Variants in FUT9 observed in about 807,000 individuals in gnomAD.
FUT9 encodes fucosyltransferase 9.
FUT9 carries 15 observed loss-of-function variants against 29.7 expected under a neutral mutation model. The observed-to-expected ratio is 0.51, with a 90% CI of 0.34 to 0.78. The LOEUF (loss-of-function observed/expected upper bound fraction) is 0.78. Ranked by LOEUF, FUT9 falls within the 30% of genes least tolerant of loss-of-function variation. FUT9 has a pLI of 0.01. For synonymous variants in FUT9, 169 were observed against 153.7 expected, an observed-to-expected ratio of 1.10 and a Z score of -0.74; for missense variants, 319 against 425.4, an observed-to-expected ratio of 0.75 and a Z score of 2.20.
chr6:96,018,563 G>T (rs1221323566), intron 1 of FUT9, among the ~76,000 whole-genome samples: 1 of 152,012 alleles, frequency 6.6e-6, no homozygotes, highest in African/African-American at 2.4e-5. Context: ...ACCAATATTG[G>T]AATGGCATAT....
chr6:96,182,072 C>T (rs553274744), intron 2 of FUT9, among the ~76,000 whole-genome samples: 2 of 152,176 alleles, frequency 1.3e-5, no homozygotes, highest in East Asian at 3.9e-4. Context: ...CTGTTCACCA[C>T]ATCCACACCA....
At chr6:96,156,461 G>T (rs573876447) in intron 2 of FUT9, among the ~76,000 whole-genome samples, 154 of 152,174 alleles carry the variant, frequency 1.0e-3, no homozygotes, top group African/African-American at 3.6e-3. Context: ...GCAAAAAGGG[G>T]CATCCTGAAA....
chr6:96,061,266 T>C (rs929078191), intron 1 of FUT9, among the ~76,000 whole-genome samples: 8 of 57,856 alleles, frequency 1.4e-4, no homozygotes, highest in African/African-American at 4.0e-4. Flanking sequence ...AGAATGATTT[T>C]ATCACCCATT....
intron 2 of FUT9, among the ~76,000 whole-genome samples, chr6:96,158,913 A>C (rs1772842716): frequency 6.6e-6 from 1 of 152,050 alleles, no homozygotes; most frequent in African/African-American, 2.4e-5. Flanking sequence ...ATTGATGTTG[A>C]TCAATGTAAA....
At chr6:96,028,277 G>A (rs1279923541) in intron 1 of FUT9, among the ~76,000 whole-genome samples, 1 of 151,560 alleles carries the variant, frequency 6.6e-6, no homozygotes, top group Non-Finnish European at 1.5e-5. Context: ...ACACAGAGCT[G>A]TAACCAGATA....
intron 1 of FUT9, among the ~76,000 whole-genome samples, chr6:96,094,862 A>C (rs931458513): frequency 6.6e-6 from 1 of 151,962 alleles, no homozygotes; most frequent in African/African-American, 2.4e-5. Flanking sequence ...TGTTATTTCA[A>C]TAGGTTTTTG....
intron 2 of FUT9, among the ~76,000 whole-genome samples, chr6:96,138,897 A>C (rs904017217): frequency 2.6e-5 from 4 of 152,318 alleles, no homozygotes; most frequent in Admixed American, 1.3e-4. Flanking sequence ...TCAAACAAAA[A>C]GTGTTTGACA....
In FUT9 at chr6:96,209,957, A is replaced by T. The variant is rs1773905237; in HGVS notation, c.*5722A>T. 1.2e-5 allele frequency: 2 copies of T among 166,898 alleles called. No individual in the cohort carries two copies. 10.3% of individuals were successfully genotyped at this position (166,898 alleles called of 1,614,324 possible). Reference sequence around the variant, plus strand: ...ATCCTGTTTCTGCTATAACTGGTGAACCATCCTGTCCTAAACTAGCAGTTC... The same window carrying T: ...ATCCTGTTTCTGCTATAACTGGTGATCCATCCTGTCCTAAACTAGCAGTTC... On this transcript the variant is annotated 3_prime_UTR_variant, in exon 3 of 3. Transcript: ENST00000302103.
intron 2 of FUT9, among the ~76,000 whole-genome samples, chr6:96,135,814 C>A (rs1772338219): frequency 6.6e-6 from 1 of 151,596 alleles, no homozygotes; most frequent in African/African-American, 2.4e-5. Context: ...CATGTTCTTA[C>A]CACAATTTTT....
At chr6:96,122,129 T>A (rs1450579480) in intron 2 of FUT9, among the ~76,000 whole-genome samples, 1 of 152,140 alleles carries the variant, frequency 6.6e-6, no homozygotes, top group Non-Finnish European at 1.5e-5. Flanking sequence ...TCTGCTAACA[T>A]TGCATGAGCC....
rs1183506097 is a variant in FUT9, at chr6:96,210,703, T to C, written c.*6468T>C. 1.2e-5 allele frequency: 2 copies of C among 166,968 alleles called. No homozygotes were observed. The highest frequency in any genetic ancestry group is 2.9e-5 in the Non-Finnish European group (2 of 68,032). 10.3% of individuals were successfully genotyped at this position (166,968 alleles called of 1,614,324 possible). On this transcript the variant is annotated 3_prime_UTR_variant, in exon 3 of 3. Coordinates refer to ENST00000302103, the MANE Select transcript of FUT9 (RefSeq NM_006581.4). ...ATTACTAGGATATATGCTTCTGTGA[T>C]CTGCTTTTCTATTGTATGTGTTTAA...
chr6:96,056,254 C>A (rs1428936737), intron 1 of FUT9, among the ~76,000 whole-genome samples: 1 of 152,042 alleles, frequency 6.6e-6, no homozygotes, highest in Non-Finnish European at 1.5e-5. Flanking sequence ...TTTCAAATAC[C>A]CACATATCCT....
chr6:96,152,973 A>G (rs4240598), intron 2 of FUT9, among the ~76,000 whole-genome samples: 138,703 of 152,132 alleles, frequency 0.91, 64,603 homozygotes, highest in Non-Finnish European at 1. Flanking sequence ...GGAACCTTCC[A>G]GGAAAACTAC....
intron 1 of FUT9, among the ~76,000 whole-genome samples, chr6:96,055,887 A>G (rs1245058624): frequency 1.3e-5 from 2 of 151,764 alleles, no homozygotes; most frequent in African/African-American, 4.8e-5. Flanking sequence ...TCTATTACAT[A>G]AAGTTTAGTG....
intron 1 of FUT9, among the ~76,000 whole-genome samples, chr6:96,078,086 G>T (rs1332852723): frequency 6.6e-6 from 1 of 151,972 alleles, no homozygotes; most frequent in Non-Finnish European, 1.5e-5. Flanking sequence ...TTCTATTTCC[G>T]GGATGCATAT....
Position 96,212,488 on chromosome 6 carries a change from A to C in FUT9, c.*8253A>C, listed in dbSNP as rs1223492497. The C allele has an allele frequency of 2.4e-6, 1 of 409,474 alleles. No homozygotes were observed. Among genetic ancestry groups the C allele is most frequent in the Admixed American group, 4.4e-5 (1 of 22,638 alleles). 25.4% of individuals were successfully genotyped at this position (409,474 alleles called of 1,614,324 possible). ...ATATGTGATTTTAAAATAATTAATC[A>C]AAAAACAAAGACTATCATATTTGAG... On this transcript the variant is annotated 3_prime_UTR_variant, in exon 3 of 3. Coordinates refer to ENST00000302103, the MANE Select transcript of FUT9 (RefSeq NM_006581.4).
At chr6:96,161,621 ATATC>A (rs1772903895) in intron 2 of FUT9, among the ~76,000 whole-genome samples, 2 of 152,326 alleles carry the variant, frequency 1.3e-5, no homozygotes, top group Admixed American at 1.3e-4. Flanking sequence ...GTGGATGTGA[ATATC>A]TACAGACCAC....
intron 1 of FUT9, among the ~76,000 whole-genome samples, chr6:96,081,436 T>C (rs1206557140): frequency 3.3e-5 from 5 of 151,900 alleles, no homozygotes; most frequent in Admixed American, 1.3e-4. Context: ...ACATCTTGAT[T>C]GTAGATTCAC....
chr6:96,165,951 G>A (rs978548229), intron 2 of FUT9, among the ~76,000 whole-genome samples: 2 of 152,016 alleles, frequency 1.3e-5, no homozygotes, highest in Non-Finnish European at 2.9e-5. Flanking sequence ...TTTCCTGTCA[G>A]ACAAAGGTCT....
Sources: allele counts gnomAD v4.1 joint callset (sites outside exome capture counted in the v4.1 genomes callset), GRCh38; gene constraint gnomAD v4.1.1; transcripts MANE v1.5; gene names NCBI Gene and HGNC (gene_info 2026-07-23, HGNC 2026-07-21).